The following RALGAPA1 variants were observed in gnomAD, a reference collection of about 807,000 sequenced individuals.
The protein encoded by RALGAPA1 is Ral GTPase activating protein catalytic subunit alpha 1, also known as ral GTPase-activating protein subunit alpha-1.
A neutral mutation model predicts 269.6 loss-of-function variants in RALGAPA1; 52 were observed. The ratio of observed to expected loss-of-function variants is 0.19; its 90% confidence interval spans 0.15 to 0.24. RALGAPA1 has a LOEUF of 0.24. Ranked by LOEUF, RALGAPA1 falls within the 10% of genes least tolerant of loss-of-function variation. The pLI is 1.00. For synonymous variants in RALGAPA1, 817 were observed against 1,008.3 expected (o/e 0.81, Z 3.60); for missense variants, 1,917 against 3,013.9 (o/e 0.64, Z 8.52).
chr14:35,660,428 C>T (rs1243412962), intron 27 of RALGAPA1, among the ~76,000 whole-genome samples: 1 of 151,914 alleles, frequency 6.6e-6, no homozygotes, highest in East Asian at 1.9e-4. Flanking sequence ...CATCAAAATA[C>T]TTAGGAATAC....
rs1363428634 is a variant in RALGAPA1, at chr14:35,634,647, T to G, written c.5922A>C (p.Glu1974Asp). ...SVDYDPFMHL[E>D]SLKEPEPLHS... is the part of the protein sequence containing the mutation. ...GCAGAGGCTCAGGCTCTTTCAGACT[T>G]TCCAAATGCATAAAAGGATCATAAT... The change falls in exon 33 of 42, where the codon GAA (glutamate) becomes GAC (aspartate). Residue 1974 changes from glutamate (E) to aspartate (D), a missense_variant. Transcript: ENST00000680220. 1.2e-6 allele frequency: 2 copies of G among 1,613,546 alleles called. No individual in the cohort carries two copies. The highest frequency in any genetic ancestry group is 4.5e-5 in the East Asian group (2 of 44,878).
intron 39 of RALGAPA1, among the ~76,000 whole-genome samples, chr14:35,559,477 C>T (rs2055956568): frequency 6.6e-6 from 1 of 151,752 alleles, no homozygotes; most frequent in Non-Finnish European, 1.5e-5. Context: ...CAAACTGCAA[C>T]ATCATAGGGT....
At chr14:35,663,438 A>C (rs578150914) in intron 27 of RALGAPA1, among the ~76,000 whole-genome samples, 36 of 152,180 alleles carry the variant, frequency 2.4e-4, no homozygotes, top group Middle Eastern at 3.4e-3. Context: ...CAAAAACAAA[A>C]AAAAAAACAC....
chr14:35,593,940 C>T (rs950156233), intron 37 of RALGAPA1, among the ~76,000 whole-genome samples: 1 of 151,900 alleles, frequency 6.6e-6, no homozygotes. Context: ...AAAACAGAAG[C>T]ATATACCAGT....
intron 36 of RALGAPA1, among the ~76,000 whole-genome samples, chr14:35,604,839 T>A (rs190164258): frequency 2.0e-5 from 3 of 152,208 alleles, no homozygotes; most frequent in African/African-American, 4.8e-5. Flanking sequence ...ATTACCCACA[T>A]CAGATTTACT....
rs2139732774 is a variant in RALGAPA1, at chr14:35,634,773, G to A, written c.5812-16C>T. On this transcript the variant is annotated splice_polypyrimidine_tract_variant and intron_variant, in intron 32 of 41. Coordinates refer to ENST00000680220, the MANE Select transcript of RALGAPA1 (RefSeq NM_001346249.2). ...CATGTAAAACCTGAAAATACAGGGG[G>A]AAACACCCAGTTTTACTTAAAAAAT... 1 of 1,556,318 alleles carries A rather than the reference G, an allele frequency of 6.4e-7. No homozygotes were observed. Among genetic ancestry groups the A allele is most frequent in the Non-Finnish European group, 8.7e-7 (1 of 1,155,120 alleles).
chr14:35,759,632 G>A (rs1051530405), intron 6 of RALGAPA1, among the ~76,000 whole-genome samples: 12 of 151,546 alleles, frequency 7.9e-5, no homozygotes, highest in South Asian at 4.2e-4. Context: ...AAATCTGGTC[G>A]GGTGTAGTGG....
At chr14:35,554,089 T>A (rs531903454) in intron 39 of RALGAPA1, among the ~76,000 whole-genome samples, 23 of 152,158 alleles carry the variant, frequency 1.5e-4, no homozygotes, top group Middle Eastern at 3.4e-3. Context: ...TTAAAAAAAA[T>A]TTTTGGTGAG....
intron 31 of RALGAPA1, among the ~76,000 whole-genome samples, chr14:35,645,254 A>G (rs1433950084): frequency 6.6e-6 from 1 of 151,600 alleles, no homozygotes; most frequent in Non-Finnish European, 1.5e-5. Flanking sequence ...CAAAGGCCCC[A>G]CCTCCAAATC....
chr14:35,654,584 C>G, intron 29 of RALGAPA1, 107 bp from the exon 30 acceptor site: 1 of 1,292,284 alleles, frequency 7.7e-7, no homozygotes, highest in East Asian at 2.8e-5. Context: ...ATTATAAATC[C>G]TACATTTATA....
intron 35 of RALGAPA1, among the ~76,000 whole-genome samples, chr14:35,619,592 AT>A (rs776311728): frequency 2.0e-5 from 3 of 152,206 alleles, no homozygotes; most frequent in Non-Finnish European, 4.4e-5. Flanking sequence ...AACAAAATTC[AT>A]AGACTGCTAG....
Position 35,645,208 on chromosome 14 carries a change from T to A in RALGAPA1, c.5676+6597A>T, listed in dbSNP as rs558197642. On this transcript the variant is annotated intron_variant, in intron 31 of 41. Coordinates refer to ENST00000680220, the MANE Select transcript of RALGAPA1 (RefSeq NM_001346249.2). ...CTTCTTATAAGGGCACTAATCCCAT[T>A]GATGAGGGCTTCATCCTCACGACCT... is the stretch of plus-strand genomic sequence containing the variant. Among the ~76,000 whole-genome samples the A allele has an allele frequency of 3.1e-4, 47 of 152,232 alleles. 1 individual carries two copies. Among genetic ancestry groups the A allele is most frequent in the Middle Eastern group, 6.8e-3 (2 of 294 alleles).
intron 33 of RALGAPA1, among the ~76,000 whole-genome samples, chr14:35,629,890 AC>A (rs1346795294): frequency 6.6e-6 from 1 of 152,194 alleles, no homozygotes; most frequent in Non-Finnish European, 1.5e-5. Flanking sequence ...TAATTGTGTA[AC>A]CACCAACATA....
chr14:35,645,163 G>A (rs2062315679), intron 31 of RALGAPA1, among the ~76,000 whole-genome samples: 1 of 152,054 alleles, frequency 6.6e-6, no homozygotes, highest in African/African-American at 2.4e-5. Context: ...TCTTCACACG[G>A]TGGATATTAG....
At chr14:35,713,238 T>C (rs1331507126) in intron 16 of RALGAPA1, among the ~76,000 whole-genome samples, 1 of 152,010 alleles carries the variant, frequency 6.6e-6, no homozygotes, top group Non-Finnish European at 1.5e-5. Context: ...GCAGTGAAAA[T>C]GTAAAGAAGT....
At chr14:35,727,310 C>CATATATATATATATAT (rs34288628) in intron 13 of RALGAPA1, among the ~76,000 whole-genome samples, 3 of 104,476 alleles carry the variant, frequency 2.9e-5, no homozygotes, top group Non-Finnish European at 3.8e-5. Flanking sequence ...AAAATTATGG[C>CATATATATATATATAT]ATATATATAT....
intron 11 of RALGAPA1, among the ~76,000 whole-genome samples, chr14:35,739,169 G>C (rs1242024915): frequency 6.6e-6 from 1 of 152,152 alleles, no homozygotes; most frequent in Non-Finnish European, 1.5e-5. Context: ...AAGTCTTACA[G>C]ACAAGGGAGT....
intron 39 of RALGAPA1, among the ~76,000 whole-genome samples, chr14:35,561,508 T>A (rs1196374109): frequency 4.4e-5 from 2 of 45,946 alleles, no homozygotes; most frequent in Admixed American, 2.6e-4. Flanking sequence ...ATATAGGAGT[T>A]TTTTTTTTTT....
chr14:35,554,338 CTTTTTTTTTTTTTT>C (rs869302363), intron 39 of RALGAPA1, among the ~76,000 whole-genome samples: 5 of 85,760 alleles, frequency 5.8e-5, no homozygotes, highest in East Asian at 4.0e-4. Flanking sequence ...AATACACTTT[CTTTTTTTTTTTTTT>C]TTTTTTTTTT....
Sources: gnomAD v4.1 joint callset for allele counts (sites outside exome capture counted in the v4.1 genomes callset) on GRCh38, gnomAD v4.1.1 for gene constraint, MANE v1.5 for transcripts, NCBI Gene and HGNC (gene_info 2026-07-23, HGNC 2026-07-21) for gene names.